ANO9: variants seen among roughly 807,000 people sequenced by gnomAD.
The protein encoded by ANO9 is anoctamin 9.
In ANO9, 80 loss-of-function variants were observed where a neutral mutation model predicts 100.5. That is an observed-to-expected ratio of 0.80 (90% confidence interval 0.66 to 0.96). ANO9 has a LOEUF of 0.96. Ranked by LOEUF, ANO9 falls within the 40% of genes least tolerant of loss-of-function variation. The pLI is 0.00. For synonymous variants in ANO9, 473 were observed against 435.6 expected, an observed-to-expected ratio of 1.09 and a Z score of -1.07; for missense variants, 1,064 against 1,072.7, an observed-to-expected ratio of 0.99 and a Z score of 0.11.
chr11:428,644 G>A lies in ANO9; in HGVS notation c.1021-5C>T, dbSNP rs371023698. ...CATGCCGATCATGAGGCAGATCTGC[G>A]GGACAGCTGTGGTGGGCGGGGGCCG... On this transcript the variant is annotated splice_region_variant and splice_polypyrimidine_tract_variant and intron_variant, in intron 12 of 22. Transcript: ENST00000332826. The A allele has an allele frequency of 4.3e-5, 69 of 1,611,868 alleles. No homozygotes were observed. Among genetic ancestry groups the A allele is most frequent in the Non-Finnish European group, 5.1e-5 (60 of 1,179,342 alleles).
rs79329594 is a variant in ANO9 at position 433,357 on chromosome 11, G to C, written c.307C>G (p.His103Asp). The C allele has an allele frequency of 6.7e-4, 1,070 of 1,607,774 alleles. 2 individuals carry two copies. The highest frequency in any genetic ancestry group is 8.4e-4 in the Admixed American group (50 of 59,784). ...LLLEPEGPAP[H>D]AELAAPTTIP... ...GTGGTCGGCGCGGCCAGCTCGGCGT[G>C]GGGGGCAGGCCCCTCAGGCTCCAGG... The change falls in exon 4 of 23, where the codon CAC becomes GAC. Residue 103 changes from histidine to aspartate, a missense_variant. His to Asp is a moderately conservative substitution (Grantham distance 81, BLOSUM62 -1). Transcript: ENST00000332826.
At position 422,597 on chromosome 11, in the gene ANO9, G is replaced by A. The variant is rs566746884; in HGVS notation, c.1335-1399C>T. 9.8e-5 allele frequency among the ~76,000 whole-genome samples: 15 copies of A among 152,296 alleles called. No individual in the cohort carries two copies. The highest frequency in any genetic ancestry group is 3.1e-4 in the African/African-American group (13 of 41,556). On this transcript the variant is annotated intron_variant, in intron 15 of 22. Transcript: ENST00000332826. This position sits in a 1 kb window ranked among gnomAD's most constrained non-coding sequence, Gnocchi z 4.3. ...AAGCTCTGCAGGGGGAGGAGCAGCC[G>A]TGCACCAAGGAGAAGCTGAAAGTGA...
rs137970750 is a variant in ANO9 at position 433,904 on chromosome 11, C to G, written c.115G>C (p.Val39Leu). The stretch of plus-strand genomic sequence containing the variant: ...TCTCTCTGGGTGTGACGTTGGGCCA[C>G]GAGGACATAGTCCCACTGCTCGGAG... ...EASEQWDYVLVAQRHTQRDPR... is the reference protein window; with the variant it reads ...EASEQWDYVLLAQRHTQRDPR... The change falls in exon 3 of 23, where the codon GTG becomes CTG. Residue 39 changes from valine (V) to leucine (L), a missense_variant. By Grantham distance (32) the Val-to-Leu change is conservative. Transcript: ENST00000332826. 6.4e-7 allele frequency: 1 copy of G among 1,563,802 alleles called. No individual in the cohort carries two copies. The highest frequency in any genetic ancestry group is 1.2e-5 in the South Asian group (1 of 85,030).
Position 441,962 on chromosome 11 carries a change from G to A in ANO9, c.-36C>T, listed in dbSNP as rs776980611. The A allele has an allele frequency of 3.9e-5, 62 of 1,602,242 alleles. 1 individual carries two copies. The highest frequency in any genetic ancestry group is 4.7e-5 in the Non-Finnish European group (55 of 1,178,140). On this transcript the variant is annotated 5_prime_UTR_variant, in exon 1 of 23. Coordinates refer to ENST00000332826, the MANE Select transcript of ANO9 (RefSeq NM_001012302.3). ...GCCGGAGTTCCAGCTGGGGTTTGGCGGCCAGGAGAGTGGCTGCCAGCGGCG... is the reference window on the plus strand; with the variant it reads ...GCCGGAGTTCCAGCTGGGGTTTGGCAGCCAGGAGAGTGGCTGCCAGCGGCG...
chr11:433,557 C>T (rs1337279302), intron 3 of ANO9, 98 bp from the exon 4 acceptor site: 8 of 1,476,508 alleles, frequency 5.4e-6, no homozygotes, highest in Admixed American at 4.7e-5. Context: ...GAACCCTCCC[C>T]CCTCTATTCC....
intron 7 of ANO9, among the ~76,000 whole-genome samples, chr11:431,462 CG>C (rs1365362118): frequency 2.0e-5 from 1 of 49,008 alleles, no homozygotes; most frequent in Non-Finnish European, 3.4e-5. Flanking sequence ...GGGGCTCCCG[CG>C]GGTATCTGGG....
chr11:435,763 A>C (rs138117337), intron 1 of ANO9, among the ~76,000 whole-genome samples: 2,192 of 150,714 alleles, frequency 0.015, 55 homozygotes, highest in African/African-American at 0.044. Flanking sequence ...AGTCTAGTCT[A>C]GTATGGTGTA....
rs1163354835 is a variant in ANO9, at chr11:422,295, G to C, written c.1335-1097C>G. 1.3e-5 allele frequency among the ~76,000 whole-genome samples: 2 copies of C among 152,262 alleles called. No homozygotes were observed. The highest frequency in any genetic ancestry group is 2.9e-5 in the Non-Finnish European group (2 of 68,048). ...TAAGAAAACGGAGGATGTATTTGTA[G>C]TCAGAGCGATGGGCCGCAAAGACGT... On this transcript the variant is annotated intron_variant, in intron 15 of 22. Transcript: ENST00000332826. The surrounding 1 kb of genome is among the most constrained non-coding windows in gnomAD (Gnocchi z 4.3).
Position 421,227 on chromosome 11 carries a change from T to C in ANO9, c.1335-29A>G, listed in dbSNP as rs1848163229. The C allele has an allele frequency of 4.0e-6, 6 of 1,502,582 alleles. No individual in the cohort carries two copies. Among genetic ancestry groups the C allele is most frequent in the Non-Finnish European group, 5.3e-6 (6 of 1,123,396 alleles). 93.1% of individuals were successfully genotyped at this position (1,502,582 alleles called of 1,614,324 possible). A position where few individuals can be genotyped will look rare whatever the true frequency, so the allele number is the denominator to read the frequency against. On this transcript the variant is annotated intron_variant, in intron 15 of 22. Transcript: ENST00000332826. The surrounding 1 kb of genome is among the most constrained non-coding windows in gnomAD (Gnocchi z 6.8). ...GGGAGGAAGGGGAAGTCTGGGGCAC[T>C]GCGGGCAGCGCCCTGCCTCTGACAG...
At position 429,606 on chromosome 11, in the gene ANO9, G is replaced by A; in HGVS notation, c.879C>T (p.Val293=). 1.2e-6 allele frequency: 2 copies of A among 1,612,600 alleles called. No individual in the cohort carries two copies. The highest frequency in any genetic ancestry group is 8.5e-7 in the Non-Finnish European group (1 of 1,179,862). ...EIWKRQRARV[V]LHWDLYVWDE... ...CCCACACGTACAGGTCCCAGTGCAGGACCACGCGGGCGCGCTGCCGCTTCC... is the reference window on the plus strand; with the variant it reads ...CCCACACGTACAGGTCCCAGTGCAGAACCACGCGGGCGCGCTGCCGCTTCC... Residue 293 remains valine, a synonymous_variant, in exon 11 of 23, where the codon GTC becomes GTT. Transcript: ENST00000332826.
At chr11:435,057 C>G (rs1849341133) in intron 1 of ANO9, among the ~76,000 whole-genome samples, 1 of 152,126 alleles carries the variant, frequency 6.6e-6, no homozygotes. Context: ...CACCTGATTT[C>G]CAGATAAACA....
chr11:420,263 A>G, intron 19 of ANO9, 200 bp downstream of exon 19: 1 of 1,426,222 alleles, frequency 7.0e-7, no homozygotes, highest in Non-Finnish European at 9.1e-7. Flanking sequence ...GGAGCCTACA[A>G]AGCGCTCGGC....
At chr11:423,696 G>A (rs761067763) in intron 15 of ANO9, among the ~76,000 whole-genome samples, 2 of 151,574 alleles carry the variant, frequency 1.3e-5, no homozygotes, top group Non-Finnish European at 2.9e-5. Context: ...TTGTAGAGAC[G>A]TGCGGTGGGG....
intron 11 of ANO9, 174 bp downstream of exon 11, chr11:429,396 G>A: frequency 7.0e-7 from 1 of 1,432,734 alleles, no homozygotes; most frequent in South Asian, 1.4e-5. Context: ...TGGGGAGACA[G>A]ACACAGGGAC....
rs534782534 is a variant in ANO9 at position 427,512 on chromosome 11, G to T, written c.1334+576C>A. ...TTTGGGAAACTGAGGCAGGAGGATCGCTCGAGCCCAGGAATTCGAAACCAG... is the reference window on the plus strand; with the variant it reads ...TTTGGGAAACTGAGGCAGGAGGATCTCTCGAGCCCAGGAATTCGAAACCAG... On this transcript the variant is annotated intron_variant, in intron 15 of 22. Transcript: ENST00000332826. 2.6e-5 allele frequency among the ~76,000 whole-genome samples: 4 copies of T among 151,796 alleles called. No individual in the cohort carries two copies. The South Asian group carries it at 8.3e-4, about 32-fold the overall frequency.
chr11:433,232 G>A, intron 4 of ANO9, 82 bp downstream of exon 4: 3 of 1,523,290 alleles, frequency 2.0e-6, no homozygotes, highest in Non-Finnish European at 1.8e-6. Context: ...CTGGAGCCTG[G>A]CACTGTCTCC....
intron 1 of ANO9, chr11:440,307 G>C (rs1845760260): frequency 6.6e-6 from 1 of 152,586 alleles, no homozygotes; most frequent in African/African-American, 2.4e-5. Flanking sequence ...GGTTGGCAGA[G>C]GCCAATCAGG....
chr11:420,525 A>G lies in ANO9; in HGVS notation c.1724T>C (p.Leu575Pro), dbSNP rs566257561. 4 of 1,606,090 alleles carry G rather than the reference A, an allele frequency of 2.5e-6. No individual in the cohort carries two copies. Among genetic ancestry groups the G allele is most frequent in the Non-Finnish European group, 3.4e-6 (4 of 1,179,592 alleles). Reference sequence around the variant, plus strand: ...CAACCAGACCATCTTGATGGCGTCCAGGCGGATCTCCACGAGGTTGCTGAA... The same window carrying G: ...CAACCAGACCATCTTGATGGCGTCCGGGCGGATCTCCACGAGGTTGCTGAA... ...ALFSNLVEIR[L>P]DAIKMVWLQR... The change falls in exon 19 of 23, where the codon CTG becomes CCG. Residue 575 changes from leucine (L) to proline (P), a missense_variant. Physicochemically the swap from Leu to Pro is moderately conservative, Grantham distance 98. Coordinates refer to ENST00000332826, the MANE Select transcript of ANO9 (RefSeq NM_001012302.3).
intron 13 of ANO9, 33 bp from the exon 14 acceptor site, chr11:428,427 G>A (rs575549083): frequency 1.9e-6 from 3 of 1,612,576 alleles, no homozygotes; most frequent in South Asian, 1.1e-5. Context: ...GGCTCACTGG[G>A]GCTCCGGTGG....
Sources: gnomAD v4.1 joint callset for allele counts (sites outside exome capture counted in the v4.1 genomes callset) on GRCh38, gnomAD v4.1.1 for gene constraint, Gnocchi (gnomAD v3.1) non-coding constraint, MANE v1.5 for transcripts, NCBI Gene and HGNC (gene_info 2026-07-23, HGNC 2026-07-21) for gene names.